Variants in ACOX3 observed in about 807,000 individuals in gnomAD.
The protein encoded by ACOX3 is acyl-CoA oxidase 3, pristanoyl, also known as peroxisomal acyl-coenzyme A oxidase 3.
ACOX3 carries 73 observed loss-of-function variants against 81.5 expected under a neutral mutation model. The ratio of observed to expected loss-of-function variants is 0.90; its 90% CI spans 0.74 to 1.09. The LOEUF is 1.09. ACOX3 is among the 50% of genes least tolerant of loss of function. The pLI, the probability that ACOX3 is intolerant of heterozygous loss-of-function variation, is 0.00. For missense variants in ACOX3, 947 were observed against 928.0 expected (o/e 1.02, Z -0.27); for synonymous variants, 387 against 375.1 (o/e 1.03, Z -0.37).
chr4:8,381,384 T>C lies in ACOX3; in HGVS notation c.1653+108A>G, dbSNP rs541886429. 2,227 of 952,852 alleles carry C rather than the reference T, an allele frequency of 2.3e-3. 7 individuals are homozygous for C. Among genetic ancestry groups the C allele is most frequent in the South Asian group, 5.5e-3 (361 of 65,514 alleles). The allele number at this position is 952,852 out of a possible 1,614,324, so 59.0% of individuals were successfully genotyped here. A position where few individuals can be genotyped will look rare whatever the true frequency, so the allele number is the denominator to read the frequency against. ...GTCATCTGCCCAAGGTCACGGGAGCTCGGGGTCTGGGGCCTGAATTGCCAG... is the reference window on the plus strand; with the variant it reads ...GTCATCTGCCCAAGGTCACGGGAGCCCGGGGTCTGGGGCCTGAATTGCCAG... On this transcript the variant is annotated intron_variant, in intron 14 of 17. Transcript: ENST00000356406. The surrounding 1 kb of genome is among the most constrained non-coding windows in gnomAD (Gnocchi z 4.3).
downstream of ACOX3, among the ~76,000 whole-genome samples, chr4:8,362,422 TTC>T (rs1220461831): frequency 1.3e-5 from 2 of 152,250 alleles, no homozygotes; most frequent in Admixed American, 6.5e-5. Flanking sequence ...TGGAGCATAT[TTC>T]TCTGTTTTCT....
intron 5 of ACOX3, among the ~76,000 whole-genome samples, chr4:8,411,018 C>T (rs1387236013): frequency 6.6e-6 from 1 of 152,208 alleles, no homozygotes; most frequent in Non-Finnish European, 1.5e-5. Context: ...GCGAAGAGCA[C>T]GTGGGAACAG....
At chr4:8,373,486 T>C (rs1194798652) in intron 16 of ACOX3, 75 bp downstream of exon 16, 11 of 1,478,172 alleles carry the variant, frequency 7.4e-6, no homozygotes, top group Admixed American at 1.8e-5. Flanking sequence ...GTCTGGGTGA[T>C]GCTAAGGGGA....
Position 8,426,713 on chromosome 4 carries a change from C to T in ACOX3, c.-14-10178G>A, listed in dbSNP as rs59832581. Among the ~76,000 whole-genome samples the T allele has an allele frequency of 5.1e-3, 778 of 152,214 alleles. 8 individuals carry two copies. Among genetic ancestry groups the T allele is most frequent in the East Asian group, 0.015 (76 of 5,172 alleles). Reference sequence around the variant, plus strand: ...TCCACACCCATATGCCCCTGCACTTCGGGCCACACATTTCAATCCCTGTAT... The same window carrying T: ...TCCACACCCATATGCCCCTGCACTTTGGGCCACACATTTCAATCCCTGTAT... On this transcript the variant is annotated intron_variant, in intron 1 of 17. Transcript: ENST00000356406.
At chr4:8,418,893 C>A (rs1162715691) in intron 1 of ACOX3, among the ~76,000 whole-genome samples, 1 of 152,102 alleles carries the variant, frequency 6.6e-6, no homozygotes, top group Non-Finnish European at 1.5e-5. Flanking sequence ...ACAACAACAA[C>A]AAAAACACAG....
intron 1 of ACOX3, among the ~76,000 whole-genome samples, chr4:8,418,488 A>G (rs1001563974): frequency 6.6e-6 from 1 of 151,652 alleles, no homozygotes; most frequent in Non-Finnish European, 1.5e-5. Flanking sequence ...AATTCTTAAG[A>G]CTCAATAATA....
chr4:8,434,320 T>C (rs561198379), intron 1 of ACOX3, among the ~76,000 whole-genome samples: 36 of 152,362 alleles, frequency 2.4e-4, no homozygotes, highest in African/African-American at 8.4e-4. Flanking sequence ...TCCGGCCGAA[T>C]AAACCTCTTT....
chr4:8,365,054 G>C (rs1051452623), downstream of ACOX3, among the ~76,000 whole-genome samples: 1 of 152,186 alleles, frequency 6.6e-6, no homozygotes, highest in African/African-American at 2.4e-5. Context: ...CACGGCCTGA[G>C]GCATCCTATG....
intron 1 of ACOX3, among the ~76,000 whole-genome samples, chr4:8,429,328 G>C (rs1723804972): frequency 6.6e-6 from 1 of 152,254 alleles, no homozygotes; most frequent in African/African-American, 2.4e-5. Flanking sequence ...CTTTGGTTTA[G>C]AAAGGGGAGG....
In ACOX3 at chr4:8,370,344, A is replaced by AG. The variant is rs1716016294; in HGVS notation, c.1983+563dup. Among the ~76,000 whole-genome samples, 1 of 151,844 alleles carries AG rather than the reference A, an allele frequency of 6.6e-6. No homozygotes were observed. Among genetic ancestry groups the AG allele is most frequent in the Non-Finnish European group, 1.5e-5 (1 of 67,942 alleles). On this transcript the variant is annotated intron_variant, in intron 17 of 17. Coordinates refer to ENST00000356406, the MANE Select transcript of ACOX3 (RefSeq NM_003501.3). The surrounding 1 kb of genome is among the most constrained non-coding windows in gnomAD (Gnocchi z 6.3). ...CGAGGAGGCTGGTGGAGGCTCCCTC[A>AG]GGGGGGCGGCCTGACCCCATCTGCT...
At position 8,384,698 on chromosome 4, in the gene ACOX3, C is replaced by T. The variant is rs576492658; in HGVS notation, c.1538-3091G>A. On this transcript the variant is annotated intron_variant, in intron 13 of 17. Coordinates refer to ENST00000356406, the MANE Select transcript of ACOX3 (RefSeq NM_003501.3). The surrounding 1 kb of genome is among the most constrained non-coding windows in gnomAD (Gnocchi z 5.3). ...CATGCACTGCCTGCCTTTCGGGTCT[C>T]GGTTTCCTCTCCCGTCTCTGGGTCC... Among the ~76,000 whole-genome samples the T allele has an allele frequency of 4.5e-4, 69 of 152,298 alleles. No homozygotes were observed. Among genetic ancestry groups the T allele is most frequent in the African/African-American group, 1.6e-3 (68 of 41,574 alleles).
intron 17 of ACOX3, among the ~76,000 whole-genome samples, chr4:8,367,806 CAAAAAAAAAAAAAAA>C (rs535574857): frequency 1.3e-4 from 6 of 46,714 alleles, no homozygotes; most frequent in African/African-American, 3.8e-4. Context: ...CCCATCTTTA[CAAAAAAAAAAAAAAA>C]AAAAAAAAAA....
chr4:8,379,854 C>T (rs919811965), intron 14 of ACOX3, among the ~76,000 whole-genome samples: 2 of 152,180 alleles, frequency 1.3e-5, no homozygotes, highest in African/African-American at 4.8e-5. Flanking sequence ...GATGTGATCA[C>T]GGCCTACTGC....
intron 1 of ACOX3, among the ~76,000 whole-genome samples, chr4:8,434,191 C>T (rs1340701423): frequency 2.6e-5 from 4 of 152,216 alleles, no homozygotes; most frequent in Admixed American, 2.0e-4. Context: ...ACGTTTCCCA[C>T]ACTTGCTCGA....
rs780688893 is a variant in ACOX3, at chr4:8,406,102, A to G, written c.688-59T>C. On this transcript the variant is annotated intron_variant, in intron 6 of 17. Transcript: ENST00000356406. This position sits in a 1 kb window ranked among gnomAD's most constrained non-coding sequence, Gnocchi z 5.6. Reference sequence around the variant, plus strand: ...CTGTTACAATCACACAAAAATCAAAACAAATGTGTTCAGAAACCCACAGGG... The same window carrying G: ...CTGTTACAATCACACAAAAATCAAAGCAAATGTGTTCAGAAACCCACAGGG... 66 of 1,545,186 alleles carry G rather than the reference A, an allele frequency of 4.3e-5. No individual in the cohort carries two copies. In the Middle Eastern group the frequency reaches 5.0e-4, roughly 12 times the overall value.
rs1428824062 is a variant in ACOX3 at position 8,405,987 on chromosome 4, T to C, written c.744A>G (p.Gly248=). Residue 248 remains glycine, a synonymous_variant, in exon 7 of 18, where the codon GGA becomes GGG. Coordinates refer to ENST00000356406, the MANE Select transcript of ACOX3 (RefSeq NM_003501.3). This position sits in a 1 kb window ranked among gnomAD's most constrained non-coding sequence, Gnocchi z 7.1. The part of the protein sequence containing the change: ...PMPGVMVGDI[G]KKLGQNGLDN... The stretch of plus-strand genomic sequence containing the variant: ...CCAGACCGTTCTGCCCGAGTTTTTT[T>C]CCTATGTCGCCAACCATCACTCCAG... 1 of 1,614,016 alleles carries C rather than the reference T, an allele frequency of 6.2e-7. No homozygotes were observed. The highest frequency in any genetic ancestry group is 2.2e-5 in the East Asian group (1 of 44,886).
At chr4:8,404,950 T>A (rs981600144) in intron 7 of ACOX3, among the ~76,000 whole-genome samples, 1 of 150,998 alleles carries the variant, frequency 6.6e-6, no homozygotes, top group Non-Finnish European at 1.5e-5. Flanking sequence ...GCGTGTGGAG[T>A]CCAGCATTCG....
rs2109055572 is a variant in ACOX3 at position 8,437,148 on chromosome 4, T to C, written c.-15+3500A>G. The stretch of plus-strand genomic sequence containing the variant: ...ATATGTAAATATATATATAAATATA[T>C]ATATAGTGAATACTTCGTTTGTAAA... On this transcript the variant is annotated intron_variant, in intron 1 of 17. Coordinates refer to ENST00000356406, the MANE Select transcript of ACOX3 (RefSeq NM_003501.3). This position sits in a 1 kb window ranked among gnomAD's most constrained non-coding sequence, Gnocchi z 5.2. Among the ~76,000 whole-genome samples, 1 of 143,372 alleles carries C rather than the reference T, an allele frequency of 7.0e-6. No individual in the cohort carries two copies. The highest frequency in any genetic ancestry group is 1.5e-5 in the Non-Finnish European group (1 of 66,568). The allele number at this position is 143,372 out of a possible 152,430, so 94.1% of individuals were successfully genotyped here.
downstream of ACOX3, among the ~76,000 whole-genome samples, chr4:8,362,169 T>C (rs779249657): frequency 3.9e-5 from 6 of 152,202 alleles, no homozygotes; most frequent in Admixed American, 6.5e-5. Context: ...CTTTGGAAAT[T>C]GTGATATTAG....
Sources: allele counts gnomAD v4.1 joint callset (sites outside exome capture counted in the v4.1 genomes callset), GRCh38; gene constraint gnomAD v4.1.1; non-coding constraint Gnocchi (gnomAD v3.1); transcripts MANE v1.5; gene names NCBI Gene and HGNC (gene_info 2026-07-23, HGNC 2026-07-21).